SH3GL3: variants seen among roughly 807,000 people sequenced by gnomAD.
The protein encoded by SH3GL3 is endophilin-A3.
SH3GL3 carries 33 observed loss-of-function variants against 47.7 expected under a neutral mutation model. That is an observed-to-expected ratio of 0.69 (90% CI 0.52 to 0.92). The LOEUF is 0.92. Among genes scored for constraint, SH3GL3 ranks in the 40% least tolerant of loss-of-function variants. The pLI is 0.00. For missense variants in SH3GL3, 363 were observed against 417.8 expected (o/e 0.87, Z 1.14); for synonymous variants, 155 against 148.8 (o/e 1.04, Z -0.30).
intron 1 of SH3GL3, among the ~76,000 whole-genome samples, chr15:83,558,218 TACTGGTGCCAG>T (rs1417775299): frequency 3.3e-5 from 5 of 152,212 alleles, no homozygotes; most frequent in Non-Finnish European, 5.9e-5. Context: ...AATCCAACCC[TACTGGTGCCAG>T]ACTTGCTTTT....
At chr15:83,581,896 G>A (rs138408096) in intron 6 of SH3GL3, among the ~76,000 whole-genome samples, 1,989 of 152,288 alleles carry the variant, frequency 0.013, 22 homozygotes, top group South Asian at 0.027. Flanking sequence ...GAGCAGTGTC[G>A]TTATTCTATA....
intron 1 of SH3GL3, among the ~76,000 whole-genome samples, chr15:83,526,315 G>A (rs1408913946): frequency 6.6e-6 from 1 of 152,016 alleles, no homozygotes; most frequent in African/African-American, 2.4e-5. Flanking sequence ...CCATTACTGG[G>A]GTATATCCAG....
chr15:83,594,692 G>A (rs1183214557), intron 8 of SH3GL3, among the ~76,000 whole-genome samples: 2 of 152,106 alleles, frequency 1.3e-5, no homozygotes, highest in Non-Finnish European at 2.9e-5. Context: ...ATATTTTGTA[G>A]AATGTCCCCC....
At chr15:83,474,815 T>C (rs1362619295) in intron 1 of SH3GL3, among the ~76,000 whole-genome samples, 1 of 152,150 alleles carries the variant, frequency 6.6e-6, no homozygotes, top group Non-Finnish European at 1.5e-5. Flanking sequence ...AGCTCTGGCA[T>C]GATCGGGGAT....
intron 8 of SH3GL3, among the ~76,000 whole-genome samples, chr15:83,605,491 C>T (rs1677867702): frequency 2.6e-5 from 4 of 152,196 alleles, no homozygotes; most frequent in African/African-American, 9.6e-5. Flanking sequence ...GAAAGCAAAG[C>T]TCATGAGACT....
chr15:83,469,540 A>G (rs1267953698), intron 1 of SH3GL3, among the ~76,000 whole-genome samples: 2 of 152,164 alleles, frequency 1.3e-5, no homozygotes, highest in Admixed American at 6.5e-5. Context: ...ATTCAATTCA[A>G]TGTATTTTTG....
chr15:83,469,005 A>G (rs1871093653), intron 1 of SH3GL3, among the ~76,000 whole-genome samples: 1 of 152,072 alleles, frequency 6.6e-6, no homozygotes, highest in Admixed American at 6.6e-5. Flanking sequence ...TAATGTCCTT[A>G]ATAGTGATAT....
At chr15:83,553,089 A>G (rs992015468) in intron 1 of SH3GL3, among the ~76,000 whole-genome samples, 2 of 152,106 alleles carry the variant, frequency 1.3e-5, no homozygotes, top group African/African-American at 4.8e-5. Context: ...CAACATAGAG[A>G]AACCCCATCT....
chr15:83,491,021 G>A (rs749049172), intron 1 of SH3GL3: 2 of 1,521,198 alleles, frequency 1.3e-6, no homozygotes, highest in African/African-American at 2.8e-5. Flanking sequence ...GTGAAAAGTG[G>A]GAAGCCTTGT....
intron 1 of SH3GL3, among the ~76,000 whole-genome samples, chr15:83,555,214 G>A (rs1317144504): frequency 6.6e-6 from 1 of 151,956 alleles, no homozygotes; most frequent in African/African-American, 2.4e-5. Flanking sequence ...AATGTTTTAT[G>A]TCTATCTTGA....
chr15:83,462,658 C>A (rs1011170615), intron 1 of SH3GL3, among the ~76,000 whole-genome samples: 2 of 152,148 alleles, frequency 1.3e-5, no homozygotes, highest in African/African-American at 4.8e-5. Flanking sequence ...TTGTATTTTC[C>A]TTTTAAAAAT....
chr15:83,464,777 T>A (rs2151516094), intron 1 of SH3GL3, among the ~76,000 whole-genome samples: 1 of 152,264 alleles, frequency 6.6e-6, no homozygotes, highest in Non-Finnish European at 1.5e-5. Context: ...TGGCCATCAT[T>A]TCTTGCCCCC....
chr15:83,497,370 G>A (rs372272770), intron 1 of SH3GL3, among the ~76,000 whole-genome samples: 1 of 152,104 alleles, frequency 6.6e-6, no homozygotes, highest in Non-Finnish European at 1.5e-5. Context: ...CTCTGGACCC[G>A]AGCAGCTGAC....
chr15:83,553,204 C>A (rs987658954), intron 1 of SH3GL3, among the ~76,000 whole-genome samples: 2 of 152,154 alleles, frequency 1.3e-5, no homozygotes, highest in African/African-American at 4.8e-5. Flanking sequence ...AAAGCGAGAC[C>A]CTGTCTCAAA....
chr15:83,521,552 A>G (rs1015897057), intron 1 of SH3GL3, among the ~76,000 whole-genome samples: 1 of 152,166 alleles, frequency 6.6e-6, no homozygotes, highest in Non-Finnish European at 1.5e-5. Context: ...AAAAGCAGGA[A>G]CACAGTCCTT....
At position 83,449,621 on chromosome 15, in the gene SH3GL3, A is replaced by G. The variant is rs181604179; in HGVS notation, c.45+2043A>G. Among the ~76,000 whole-genome samples, 20 of 152,264 alleles carry G rather than the reference A, an allele frequency of 1.3e-4. No homozygotes were observed. The East Asian group carries it at 3.7e-3, about 28-fold the overall frequency. ...GTTGAAATCCTTGGAAGTTATTGGC[A>G]CTGGAGAAATATTTTGCTAGTCATG... On this transcript the variant is annotated intron_variant, in intron 1 of 8. Transcript: ENST00000427482.
chr15:83,583,023 A>G (rs2059870535), intron 6 of SH3GL3, among the ~76,000 whole-genome samples: 1 of 152,202 alleles, frequency 6.6e-6, no homozygotes, highest in African/African-American at 2.4e-5. Flanking sequence ...GGAATCCAAA[A>G]AGAGTAGAGG....
intron 1 of SH3GL3, among the ~76,000 whole-genome samples, chr15:83,512,049 T>C (rs8024520): frequency 0.022 from 3,296 of 151,320 alleles, 115 homozygotes; most frequent in African/African-American, 0.074. Flanking sequence ...TTGACAAGGG[T>C]CTTCAGACCT....
intron 5 of SH3GL3, among the ~76,000 whole-genome samples, chr15:83,576,205 G>T (rs1414817150): frequency 6.6e-6 from 1 of 152,170 alleles, no homozygotes; most frequent in Admixed American, 6.5e-5. Flanking sequence ...CAAAAGAAAT[G>T]TTCCTACTGT....
Sources: gnomAD v4.1 joint callset for allele counts (sites outside exome capture counted in the v4.1 genomes callset) on GRCh38, gnomAD v4.1.1 for gene constraint, MANE v1.5 for transcripts, NCBI Gene and HGNC (gene_info 2026-07-23, HGNC 2026-07-21) for gene names.